Variants in KIAA1217 observed in about 807,000 individuals in gnomAD.
KIAA1217 encodes sickle tail protein homolog.
A neutral mutation model predicts 163.9 loss-of-function variants in KIAA1217; 88 were observed. The observed-to-expected ratio is 0.54, with a 90% CI of 0.45 to 0.64. KIAA1217 has a LOEUF of 0.64. Ranked by LOEUF, KIAA1217 falls within the 30% of genes least tolerant of loss-of-function variation. KIAA1217 has a pLI of 0.00. For synonymous variants in KIAA1217, 903 were observed against 923.1 expected, an observed-to-expected ratio of 0.98 and a Z score of 0.39; for missense variants, 2,372 against 2,475.0, an observed-to-expected ratio of 0.96 and a Z score of 0.88.
At chr10:23,870,199 C>G (rs902846502) in intron 1 of KIAA1217, among the ~76,000 whole-genome samples, 3 of 152,010 alleles carry the variant, frequency 2.0e-5, no homozygotes, top group Admixed American at 2.0e-4. Flanking sequence ...TGCAGGAACA[C>G]GTGAGGATTT....
At chr10:23,954,436 A>G in intron 1 of KIAA1217, among the ~76,000 whole-genome samples, 1 of 152,018 alleles carries the variant, frequency 6.6e-6, no homozygotes, top group Non-Finnish European at 1.5e-5. Flanking sequence ...GTGGTAATGT[A>G]CATCTGTGGT....
intron 1 of KIAA1217, among the ~76,000 whole-genome samples, chr10:23,975,169 G>A (rs965533148): frequency 4.6e-5 from 7 of 152,068 alleles, no homozygotes; most frequent in African/African-American, 1.2e-4. Flanking sequence ...GAAACACCAT[G>A]GAAGTCACTG....
chr10:24,057,113 G>A (rs2060557241), intron 2 of KIAA1217, among the ~76,000 whole-genome samples: 1 of 151,984 alleles, frequency 6.6e-6, no homozygotes, highest in African/African-American at 2.4e-5. Flanking sequence ...TAAGCATCAT[G>A]GCACACACCT....
chr10:24,372,326 C>T (rs753150733), intron 2 of KIAA1217, among the ~76,000 whole-genome samples: 5 of 152,000 alleles, frequency 3.3e-5, no homozygotes, highest in Admixed American at 1.3e-4. Flanking sequence ...ACTGAGAAGG[C>T]GCAAGGAAAC....
rs137969592 is a variant in KIAA1217 at position 24,330,871 on chromosome 10, C to A, written c.355-49998C>A. 6.0e-3 allele frequency among the ~76,000 whole-genome samples: 918 copies of A among 152,236 alleles called. 1 individual carries two copies. The highest frequency in any genetic ancestry group is 9.8e-3 in the Non-Finnish European group (664 of 68,010). ...TCAAGCAATCTGCCCACCTTGGCCT[C>A]CTAAAGTACTGGGATTATATGTGTG... On this transcript the variant is annotated intron_variant, in intron 2 of 20. Coordinates refer to ENST00000376454, the MANE Select transcript of KIAA1217 (RefSeq NM_019590.5).
In KIAA1217 at chr10:24,101,695, G is replaced by A. The variant is rs190098271; in HGVS notation, c.-171+94321G>A. On this transcript the variant is annotated intron_variant, in intron 2 of 18. Transcript: ENST00000376462. The stretch of plus-strand genomic sequence containing the variant: ...TATATGAAATTGACATTGTTAGGTC[G>A]TTTTTGCTTGTAAAAATGATAATTT... 7.0e-3 allele frequency among the ~76,000 whole-genome samples: 1,060 copies of A among 152,200 alleles called. 8 individuals are homozygous for A. The highest frequency in any genetic ancestry group is 0.037 in the South Asian group (176 of 4,814).
chr10:24,432,354 G>T (rs2059669719), intron 3 of KIAA1217, among the ~76,000 whole-genome samples: 1 of 152,002 alleles, frequency 6.6e-6, no homozygotes, highest in Non-Finnish European at 1.5e-5. Flanking sequence ...TTGACCTTAA[G>T]TGATTCGCCT....
chr10:23,970,476 G>A (rs529047208), intron 1 of KIAA1217, among the ~76,000 whole-genome samples: 1 of 152,322 alleles, frequency 6.6e-6, no homozygotes, highest in South Asian at 2.1e-4. Flanking sequence ...GTTACCAGGA[G>A]CTGGGCGAGG....
At chr10:24,341,712 T>G (rs1469587936) in intron 2 of KIAA1217, among the ~76,000 whole-genome samples, 10 of 152,190 alleles carry the variant, frequency 6.6e-5, no homozygotes, top group Admixed American at 6.5e-4. Context: ...TGAAACTGGT[T>G]TTCAGGAGAT....
chr10:24,082,989 A>T (rs891344049), intron 2 of KIAA1217, among the ~76,000 whole-genome samples: 2 of 152,114 alleles, frequency 1.3e-5, no homozygotes, highest in African/African-American at 4.8e-5. Context: ...CATTTCTCTG[A>T]TGATCAGTGA....
intron 3 of KIAA1217, among the ~76,000 whole-genome samples, chr10:24,424,560 C>T (rs1381470064): frequency 1.3e-5 from 2 of 152,100 alleles, no homozygotes; most frequent in African/African-American, 2.4e-5. Context: ...CCTCTAAGTA[C>T]GTTATATTCT....
intron 2 of KIAA1217, among the ~76,000 whole-genome samples, chr10:24,276,307 A>T (rs1374185104): frequency 1.3e-5 from 2 of 152,220 alleles, no homozygotes; most frequent in East Asian, 3.8e-4. Context: ...ATGTCCTTTG[A>T]AAAATGAAAG....
intron 3 of KIAA1217, among the ~76,000 whole-genome samples, chr10:24,386,900 A>C (rs1277493760): frequency 1.3e-5 from 2 of 152,254 alleles, no homozygotes; most frequent in Non-Finnish European, 2.9e-5. Context: ...AGAATTTTAA[A>C]CAAATGAAAA....
intron 2 of KIAA1217, among the ~76,000 whole-genome samples, chr10:24,319,184 T>C (rs536722679): frequency 2.0e-5 from 3 of 151,906 alleles, no homozygotes; most frequent in Admixed American, 2.0e-4. Context: ...TCGAGACCAG[T>C]GTGGCCAACA....
At chr10:24,451,559 A>C (rs1389484964) in intron 5 of KIAA1217, among the ~76,000 whole-genome samples, 1 of 152,226 alleles carries the variant, frequency 6.6e-6, no homozygotes. Context: ...AGGCTTCAGG[A>C]TCAAGGCTTC....
chr10:23,771,492 A>T (rs1221912111), intron 1 of KIAA1217, among the ~76,000 whole-genome samples: 1 of 152,186 alleles, frequency 6.6e-6, no homozygotes, highest in African/African-American at 2.4e-5. Context: ...GTAAGTCTTG[A>T]TGCTATTTTG....
Position 23,728,507 on chromosome 10 carries a change from G to GTT in KIAA1217, c.-321+33283_-321+33284dup, listed in dbSNP as rs147180341. ...CATATCCTTTGCCCACTTTTTGATG[G>GTT]TTTTTTTTTTTGTTGTAAATTTGTT... On this transcript the variant is annotated intron_variant, in intron 1 of 18. Transcript: ENST00000376462. 1.8e-3 allele frequency among the ~76,000 whole-genome samples: 256 copies of GTT among 145,834 alleles called. 2 individuals carry two copies. Among genetic ancestry groups the GTT allele is most frequent in the African/African-American group, 4.6e-3 (184 of 39,948 alleles).
rs899720354 is a variant in KIAA1217, at chr10:24,307,002, G to C, written c.355-73867G>C. Among the ~76,000 whole-genome samples, 17 of 152,236 alleles carry C rather than the reference G, an allele frequency of 1.1e-4. 1 individual carries two copies. Among genetic ancestry groups the C allele is most frequent in the Admixed American group, 9.8e-4 (15 of 15,288 alleles). ...AGCTGCTTATACTCTGATTTCTATT[G>C]TTCTCCCAGTTTTTAGACTGTAGCC... On this transcript the variant is annotated intron_variant, in intron 2 of 20. Coordinates refer to ENST00000376454, the MANE Select transcript of KIAA1217 (RefSeq NM_019590.5).
At chr10:24,125,320 C>CTGTGTGTGTGTG (rs1491130955) in intron 2 of KIAA1217, among the ~76,000 whole-genome samples, 1 of 92,176 alleles carries the variant, frequency 1.1e-5, no homozygotes, top group Non-Finnish European at 2.3e-5. Flanking sequence ...GAATCCTATG[C>CTGTGTGTGTGTG]TCTGTGTGTG....
Sources: gnomAD v4.1 joint callset for allele counts (sites outside exome capture counted in the v4.1 genomes callset) on GRCh38, gnomAD v4.1.1 for gene constraint, MANE v1.5 for transcripts, NCBI Gene and HGNC (gene_info 2026-07-23, HGNC 2026-07-21) for gene names.